NWD2: variants seen among roughly 807,000 people sequenced by gnomAD.
The protein encoded by NWD2 is NACHT and WD repeat domain containing 2, also known as NACHT and WD repeat domain-containing protein 2.
In NWD2, 37 loss-of-function variants were observed where a neutral mutation model predicts 132.7. The observed-to-expected ratio is 0.28, with a 90% confidence interval of 0.21 to 0.37. The LOEUF (loss-of-function observed/expected upper bound fraction) is 0.37. Among genes scored for constraint, NWD2 ranks in the 10% least tolerant of loss-of-function variants. The pLI, the probability that NWD2 is intolerant of heterozygous loss-of-function variation, is 1.00. For synonymous variants in NWD2, 705 were observed against 803.0 expected (o/e 0.88, Z 2.06); for missense variants, 1,592 against 2,122.4 (o/e 0.75, Z 4.91).
Position 37,445,708 on chromosome 4 carries a change from T to A in NWD2, c.3720T>A (p.Ser1240=). ...AACGCTTTATATCTGCCGTGCTGTCTAAAAATGGAGATTGTATCATCGCCA... is the reference window on the plus strand; with the variant it reads ...AACGCTTTATATCTGCCGTGCTGTCAAAAAATGGAGATTGTATCATCGCCA... The part of the protein sequence containing the change: ...HNERFISAVL[S]KNGDCIIATM... Residue 1240 remains serine, a synonymous_variant, in exon 7 of 7, where the codon TCT becomes TCA. Transcript: ENST00000309447. This position sits in a 1 kb window ranked among gnomAD's most constrained non-coding sequence, Gnocchi z 4.7. The A allele has an allele frequency of 6.4e-7, 1 of 1,551,948 alleles. No homozygotes were observed. The highest frequency in any genetic ancestry group is 8.7e-7 in the Non-Finnish European group (1 of 1,147,058).
intron 3 of NWD2, among the ~76,000 whole-genome samples, chr4:37,371,886 T>C (rs922556182): frequency 6.6e-6 from 1 of 152,216 alleles, no homozygotes; most frequent in African/African-American, 2.4e-5. Context: ...CATTTTTTTC[T>C]AGAGTGAAGC....
intron 3 of NWD2, among the ~76,000 whole-genome samples, chr4:37,410,916 G>A (rs1721142006): frequency 6.6e-6 from 1 of 152,078 alleles, no homozygotes. Flanking sequence ...AATGAAAGAA[G>A]GCAGAAATAA....
rs986262175 is a variant in NWD2, at chr4:37,244,886, C to T, written c.-182C>T. The T allele has an allele frequency of 4.3e-6, 3 of 705,442 alleles. No homozygotes were observed. Among genetic ancestry groups the T allele is most frequent in the African/African-American group, 3.8e-5 (2 of 52,300 alleles). The allele number at this position is 705,442 out of a possible 1,614,324, so 43.7% of individuals were successfully genotyped here. On this transcript the variant is annotated 5_prime_UTR_variant, in exon 1 of 7. Transcript: ENST00000309447. The surrounding 1 kb of genome is among the most constrained non-coding windows in gnomAD (Gnocchi z 5.5). Reference sequence around the variant, plus strand: ...AGGAGCCCGAGGGTCCGTATGGCTTCTCCTCGCCGGCGGGTGCTGTGCGCC... The same window carrying T: ...AGGAGCCCGAGGGTCCGTATGGCTTTTCCTCGCCGGCGGGTGCTGTGCGCC...
intron 5 of NWD2, among the ~76,000 whole-genome samples, chr4:37,436,285 A>G (rs1435751093): frequency 6.6e-6 from 1 of 152,206 alleles, no homozygotes; most frequent in Non-Finnish European, 1.5e-5. Flanking sequence ...AAATTCTAAA[A>G]TTTATAATAT....
intron 1 of NWD2, among the ~76,000 whole-genome samples, chr4:37,255,382 C>T (rs1336358128): frequency 1.3e-5 from 2 of 152,138 alleles, no homozygotes; most frequent in African/African-American, 2.4e-5. Flanking sequence ...TGGGGAACTG[C>T]TCCTGCCATA....
chr4:37,327,250 A>G (rs1229133216), intron 2 of NWD2, among the ~76,000 whole-genome samples: 2 of 152,174 alleles, frequency 1.3e-5, no homozygotes, highest in African/African-American at 2.4e-5. Context: ...ATTTTTGTCA[A>G]CAGGGGAAGT....
intron 3 of NWD2, among the ~76,000 whole-genome samples, chr4:37,412,668 G>T (rs1375439107): frequency 6.6e-6 from 1 of 151,570 alleles, no homozygotes; most frequent in Non-Finnish European, 1.5e-5. Flanking sequence ...AGCCCAAATA[G>T]CAACACAATC....
intron 3 of NWD2, among the ~76,000 whole-genome samples, chr4:37,366,126 A>G (rs996723056): frequency 6.6e-6 from 1 of 152,172 alleles, no homozygotes; most frequent in Non-Finnish European, 1.5e-5. Flanking sequence ...AGTTTTCTCC[A>G]TGAATGCTCA....
chr4:37,279,056 A>C (rs1446525630), intron 1 of NWD2, among the ~76,000 whole-genome samples: 1 of 152,170 alleles, frequency 6.6e-6, no homozygotes, highest in African/African-American at 2.4e-5. Context: ...AGAAATACAC[A>C]AGGTTGATTA....
At chr4:37,418,880 G>C (rs1043837029) in intron 3 of NWD2, among the ~76,000 whole-genome samples, 5 of 151,986 alleles carry the variant, frequency 3.3e-5, no homozygotes, top group African/African-American at 4.8e-5. Context: ...ACTGGTGTAA[G>C]ACGGTATCTC....
intron 1 of NWD2, among the ~76,000 whole-genome samples, chr4:37,286,177 A>G (rs1044380031): frequency 2.6e-5 from 4 of 152,336 alleles, no homozygotes; most frequent in African/African-American, 9.6e-5. Context: ...TTCTAATATG[A>G]TTGGGTAAGT....
At chr4:37,266,071 C>G (rs551248598) in intron 1 of NWD2, among the ~76,000 whole-genome samples, 1 of 152,120 alleles carries the variant, frequency 6.6e-6, no homozygotes, top group Non-Finnish European at 1.5e-5. Flanking sequence ...CCCTTTCCCT[C>G]CCCTCTGTCT....
intron 2 of NWD2, among the ~76,000 whole-genome samples, chr4:37,330,332 G>C (rs1391761277): frequency 6.6e-6 from 1 of 152,132 alleles, no homozygotes; most frequent in Non-Finnish European, 1.5e-5. Context: ...ATCAGGAAAA[G>C]ACATGGTATT....
chr4:37,267,656 A>G (rs1400182627), intron 1 of NWD2, among the ~76,000 whole-genome samples: 3 of 151,968 alleles, frequency 2.0e-5, no homozygotes, highest in Non-Finnish European at 2.9e-5. Flanking sequence ...AAATCCTTTG[A>G]CCGGTGTTTT....
At chr4:37,327,241 T>C (rs1289938040) in intron 2 of NWD2, among the ~76,000 whole-genome samples, 1 of 152,132 alleles carries the variant, frequency 6.6e-6, no homozygotes, top group Non-Finnish European at 1.5e-5. Context: ...TTTTGCATCA[T>C]TTTTGTCAAC....
At chr4:37,329,389 G>T (rs529439838) in intron 2 of NWD2, among the ~76,000 whole-genome samples, 38 of 152,284 alleles carry the variant, frequency 2.5e-4, no homozygotes, top group African/African-American at 8.4e-4. Context: ...AGAAAGTAGG[G>T]TTAGGGCATG....
chr4:37,429,848 T>C (rs1712120297), intron 3 of NWD2, among the ~76,000 whole-genome samples: 1 of 152,202 alleles, frequency 6.6e-6, no homozygotes, highest in African/African-American at 2.4e-5. Context: ...AAGAAAAAAA[T>C]GCCAAGTAAA....
chr4:37,306,185 A>G (rs1718704919), intron 1 of NWD2, among the ~76,000 whole-genome samples: 1 of 151,996 alleles, frequency 6.6e-6, no homozygotes, highest in African/African-American at 2.4e-5. Flanking sequence ...ATCAGTTGTA[A>G]TGGTTCCTTT....
At chr4:37,341,957 CATA>C (rs1407989707) in intron 2 of NWD2, among the ~76,000 whole-genome samples, 1 of 152,060 alleles carries the variant, frequency 6.6e-6, no homozygotes, top group Non-Finnish European at 1.5e-5. Context: ...GAGCTGAAGT[CATA>C]ATACAGGTAC....
Sources: allele counts gnomAD v4.1 joint callset (sites outside exome capture counted in the v4.1 genomes callset), GRCh38; gene constraint gnomAD v4.1.1; non-coding constraint Gnocchi (gnomAD v3.1); transcripts MANE v1.5; gene names NCBI Gene and HGNC (gene_info 2026-07-23, HGNC 2026-07-21).